ARHGAP26: variants seen among roughly 807,000 people sequenced by gnomAD.
ARHGAP26 encodes rho GTPase-activating protein 26.
In ARHGAP26, 38 loss-of-function variants were observed where a neutral mutation model predicts 104.8. The ratio of observed to expected loss-of-function variants is 0.36; its 90% CI spans 0.28 to 0.48. The LOEUF is 0.48. Among genes scored for constraint, ARHGAP26 ranks in the 20% least tolerant of loss-of-function variants. The pLI is 0.99. For missense variants in ARHGAP26, 704 were observed against 947.9 expected (o/e 0.74, Z 3.38); for synonymous variants, 341 against 340.0 (o/e 1.00, Z -0.03).
intron 20 of ARHGAP26, among the ~76,000 whole-genome samples, chr5:143,185,481 G>A (rs769908047): frequency 1.3e-5 from 2 of 152,176 alleles, no homozygotes; most frequent in South Asian, 2.1e-4. Context: ...CAAAAACGAA[G>A]TAGAAAGAAA....
intron 1 of ARHGAP26, among the ~76,000 whole-genome samples, chr5:142,797,835 A>G (rs1053281124): frequency 1.3e-5 from 2 of 152,212 alleles, no homozygotes; most frequent in African/African-American, 4.8e-5. Context: ...TCAAACTTTA[A>G]TGTGCATCCA....
At chr5:142,853,295 CT>C (rs1310732877) in intron 1 of ARHGAP26, among the ~76,000 whole-genome samples, 1 of 152,082 alleles carries the variant, frequency 6.6e-6, no homozygotes, top group Non-Finnish European at 1.5e-5. Flanking sequence ...AGTGATCCCC[CT>C]ACCCCTACCT....
At chr5:142,862,938 T>C (rs1473851476) in intron 1 of ARHGAP26, among the ~76,000 whole-genome samples, 2 of 152,138 alleles carry the variant, frequency 1.3e-5, no homozygotes, top group Non-Finnish European at 2.9e-5. Context: ...CTGTGTTCTC[T>C]CAATTGGATT....
chr5:143,072,683 TAAA>T (rs1277640353), intron 17 of ARHGAP26, among the ~76,000 whole-genome samples: 1 of 151,886 alleles, frequency 6.6e-6, no homozygotes, highest in Non-Finnish European at 1.5e-5. Context: ...ATGTGGAAAC[TAAA>T]AAAGGTCGAT....
At chr5:142,778,794 T>C in intron 1 of ARHGAP26, among the ~76,000 whole-genome samples, 1 of 152,228 alleles carries the variant, frequency 6.6e-6, no homozygotes, top group East Asian at 1.9e-4. Flanking sequence ...GTTTAGGTCC[T>C]TTGCATCCTT....
chr5:143,011,805 T>C (rs1017897299), intron 11 of ARHGAP26, among the ~76,000 whole-genome samples: 1 of 152,232 alleles, frequency 6.6e-6, no homozygotes, highest in Non-Finnish European at 1.5e-5. Flanking sequence ...ACAACCTCTA[T>C]GTCAGCCTCC....
rs74453932 is a variant in ARHGAP26, at chr5:143,099,487, G to A, written c.1539-21501G>A. On this transcript the variant is annotated intron_variant, in intron 17 of 22. Transcript: ENST00000645722. ...CCTCACCATCATTGAAAGGATGGACGAGATAAAAAATCTACTTTCTAGCAC... is the reference window on the plus strand; with the variant it reads ...CCTCACCATCATTGAAAGGATGGACAAGATAAAAAATCTACTTTCTAGCAC... Among the ~76,000 whole-genome samples, 1,474 of 152,280 alleles carry A rather than the reference G, an allele frequency of 9.7e-3. 25 individuals carry two copies. The highest frequency in any genetic ancestry group is 0.033 in the African/African-American group (1,374 of 41,558).
chr5:143,017,227 G>A (rs145136305), intron 12 of ARHGAP26, among the ~76,000 whole-genome samples: 87 of 152,260 alleles, frequency 5.7e-4, no homozygotes, highest in Middle Eastern at 6.8e-3. Context: ...TTAACAAAAG[G>A]GAATTTCTGA....
intron 19 of ARHGAP26, among the ~76,000 whole-genome samples, chr5:143,136,580 G>A (rs577745658): frequency 1.1e-4 from 17 of 151,842 alleles, no homozygotes; most frequent in South Asian, 4.2e-4. Flanking sequence ...TTTTTTCTGC[G>A]AAGCTAGCAT....
chr5:142,974,205 GTT>G (rs71821935), intron 11 of ARHGAP26, among the ~76,000 whole-genome samples: 4,742 of 143,322 alleles, frequency 0.033, 91 homozygotes, highest in South Asian at 0.059. Flanking sequence ...TTGTATTTCA[GTT>G]TTTTTTTTTT....
intron 11 of ARHGAP26, among the ~76,000 whole-genome samples, chr5:142,986,235 A>G (rs890870678): frequency 3.9e-5 from 6 of 152,030 alleles, no homozygotes; most frequent in Non-Finnish European, 7.4e-5. Flanking sequence ...TGTGGTTTTG[A>G]TTTGCATTTC....
At position 143,056,069 on chromosome 5, in the gene ARHGAP26, G is replaced by A; in HGVS notation, c.1415G>A (p.Ser472Asn). ...GPLMMYQFQR[S>N]FIKAAKLENQ... ...CTCATGATGTACCAGTTTCAAAGAA[G>A]TTTCATCAAAGCAGCAAGTAAGTCT... Residue 472 changes from serine to asparagine, a missense_variant, in exon 16 of 23, where the codon AGT becomes AAT. Transcript: ENST00000645722. 6.2e-7 allele frequency: 1 copy of A among 1,613,222 alleles called. No homozygotes were observed. The highest frequency in any genetic ancestry group is 8.5e-7 in the Non-Finnish European group (1 of 1,179,572).
chr5:143,034,731 A>C (rs182110620), intron 12 of ARHGAP26, among the ~76,000 whole-genome samples: 1 of 152,270 alleles, frequency 6.6e-6, no homozygotes, highest in Non-Finnish European at 1.5e-5. Flanking sequence ...AACTTATGGT[A>C]TATGAAGTAT....
chr5:142,850,695 C>G (rs1751344819), intron 1 of ARHGAP26, among the ~76,000 whole-genome samples: 1 of 152,168 alleles, frequency 6.6e-6, no homozygotes, highest in African/African-American at 2.4e-5. Flanking sequence ...ATAGTAGGTC[C>G]TCTATTAGTC....
chr5:142,819,998 T>C (rs1301937103), intron 1 of ARHGAP26, among the ~76,000 whole-genome samples: 1 of 152,160 alleles, frequency 6.6e-6, no homozygotes, highest in Non-Finnish European at 1.5e-5. Context: ...GGTCTGCCGT[T>C]GTTTGTGGAG....
At chr5:143,028,077 A>T (rs185781447) in intron 12 of ARHGAP26, among the ~76,000 whole-genome samples, 1 of 152,350 alleles carries the variant, frequency 6.6e-6, no homozygotes, top group Non-Finnish European at 1.5e-5. Flanking sequence ...TGAGTTAAAT[A>T]AAATCTTGGT....
chr5:142,878,522 TATGTGTGTGTGTGTGCACGC>T (rs1756462356), intron 3 of ARHGAP26, among the ~76,000 whole-genome samples: 1 of 140,908 alleles, frequency 7.1e-6, no homozygotes, highest in Non-Finnish European at 1.5e-5. Context: ...TACTGATGTG[TATGTGTGTGTGTGTGCACGC>T]ATGTGTGTGT....
chr5:142,784,562 A>C (rs1758160508), intron 1 of ARHGAP26, among the ~76,000 whole-genome samples: 1 of 152,192 alleles, frequency 6.6e-6, no homozygotes. Flanking sequence ...ATGGTTAAGC[A>C]AGAAACTTGT....
intron 1 of ARHGAP26, among the ~76,000 whole-genome samples, chr5:142,859,319 A>G (rs1752920828): frequency 6.6e-6 from 1 of 152,164 alleles, no homozygotes; most frequent in Admixed American, 6.5e-5. Flanking sequence ...ATCCCAGGGT[A>G]TTCCCGTGCC....
Sources: gnomAD v4.1 joint callset for allele counts (sites outside exome capture counted in the v4.1 genomes callset) on GRCh38, gnomAD v4.1.1 for gene constraint, MANE v1.5 for transcripts, NCBI Gene and HGNC (gene_info 2026-07-23, HGNC 2026-07-21) for gene names.